Variants in ATP2B3 observed in about 807,000 individuals in gnomAD.
The protein encoded by ATP2B3 is plasma membrane calcium-transporting ATPase 3.
Under a neutral mutation model 70.8 loss-of-function variants are expected in ATP2B3, and 12 were observed. That is an observed-to-expected ratio of 0.17 (90% CI 0.11 to 0.27). The LOEUF (loss-of-function observed/expected upper bound fraction) is 0.27, where lower values mean the gene tolerates loss of function less well. Ranked by LOEUF, ATP2B3 falls within the 10% of genes least tolerant of loss-of-function variation. ATP2B3 has a pLI of 1.00. For missense variants in ATP2B3, 858 were observed against 1,118.5 expected, an observed-to-expected ratio of 0.77 and a Z score of 3.32; for synonymous variants, 460 against 497.8, an observed-to-expected ratio of 0.92 and a Z score of 1.01.
In ATP2B3 at chrX:153,555,926, G is replaced by C. The variant is rs1177926710; in HGVS notation, c.2059-123G>C. The C allele has an allele frequency of 3.9e-6, 3 of 770,943 alleles. No homozygotes were observed. The African/African-American group carries it at 6.2e-5, about 16-fold the overall frequency. The allele number at this position is 770,943 out of a possible 1,213,427, so 63.5% of individuals were successfully genotyped here. A position where few individuals can be genotyped will look rare whatever the true frequency, so the allele number is the denominator to read the frequency against. On this transcript the variant is annotated intron_variant, in intron 13 of 21. Coordinates refer to ENST00000263519, the MANE Select transcript of ATP2B3 (RefSeq NM_001001344.3). ...AGTGTTCTGAGCACGTGAATCGGAT[G>C]GCTTTACTCTCACCTCTGCTGGACC...
intron 21 of ATP2B3, among the ~76,000 whole-genome samples, chrX:153,572,228 G>T: frequency 8.9e-6 from 1 of 112,753 alleles, no homozygotes; most frequent in Non-Finnish European, 1.9e-5. Flanking sequence ...AGCTCCCCTA[G>T]ACAAGAGGGC....
chrX:153,578,827 G>T (rs782363217), intron 21 of ATP2B3, among the ~76,000 whole-genome samples: 1 of 112,640 alleles, frequency 8.9e-6, no homozygotes, highest in African/African-American at 3.2e-5. Context: ...AGGAGGAGAC[G>T]GGAGAGAGGA....
intron 7 of ATP2B3, among the ~76,000 whole-genome samples, chrX:153,544,104 G>A (rs1162797008): frequency 2.7e-5 from 3 of 112,649 alleles, no homozygotes; most frequent in Non-Finnish European, 5.6e-5. Flanking sequence ...GTGTCTCCCT[G>A]CACCGGCTCT....
chrX:153,521,151 C>G (rs985035407), intron 2 of ATP2B3, among the ~76,000 whole-genome samples: 6 of 113,143 alleles, frequency 5.3e-5, no homozygotes, highest in Non-Finnish European at 1.1e-4. Context: ...ACGCCCCGGG[C>G]TGGGTATGCC....
chrX:153,552,981 T>C, intron 12 of ATP2B3, 54 bp from the exon 13 acceptor site: 2 of 1,063,319 alleles, frequency 1.9e-6, no homozygotes, highest in Non-Finnish European at 2.6e-6. Context: ...ACCAGCGCTG[T>C]TCCTTGTTGT....
intron 2 of ATP2B3, among the ~76,000 whole-genome samples, chrX:153,527,823 T>G (rs2124332751): frequency 8.9e-6 from 1 of 112,740 alleles, no homozygotes; most frequent in Admixed American, 9.3e-5. Context: ...AGCTGAAGAC[T>G]TCAGGACAAG....
At chrX:153,557,500 C>T (rs1451617640) in intron 16 of ATP2B3, among the ~76,000 whole-genome samples, 1 of 112,283 alleles carries the variant, frequency 8.9e-6, no homozygotes, top group Non-Finnish European at 1.9e-5. Context: ...ACCTGGTGAG[C>T]CCCTCTCCCT....
At chrX:153,518,738 G>C (rs1488284652) in intron 2 of ATP2B3, among the ~76,000 whole-genome samples, 187 bp downstream of exon 2, 3 of 111,380 alleles carry the variant, frequency 2.7e-5, no homozygotes, top group African/African-American at 9.8e-5. Flanking sequence ...CGCGGTGAGG[G>C]CTCCATGAGG....
chrX:153,540,812 C>A (rs781789418), intron 3 of ATP2B3, among the ~76,000 whole-genome samples: 1 of 112,697 alleles, frequency 8.9e-6, no homozygotes, highest in African/African-American at 3.2e-5. Flanking sequence ...TCTTTGGCAT[C>A]TGGTGCCATC....
intron 3 of ATP2B3, 145 bp from the exon 4 acceptor site, chrX:153,541,214 G>A: frequency 1.5e-6 from 1 of 659,785 alleles, no homozygotes; most frequent in East Asian, 3.5e-5. Context: ...TGTCTAGAGG[G>A]AGAGCCAGGC....
rs2090910136 is a variant in ATP2B3 at position 153,580,420 on chromosome X, G to A, written c.*122G>A. On this transcript the variant is annotated 3_prime_UTR_variant, in exon 22 of 22. Coordinates refer to ENST00000263519, the MANE Select transcript of ATP2B3 (RefSeq NM_001001344.3). ...CCTGCAAAACGAGGGAACAACTAAG[G>A]TGGCTGAAGACCTTTCTGGCAGGGC... 8 of 751,348 alleles carry A rather than the reference G, an allele frequency of 1.1e-5. No individual in the cohort carries two copies. Among genetic ancestry groups the A allele is most frequent in the Non-Finnish European group, 1.5e-5 (8 of 529,983 alleles). The allele number at this position is 751,348 out of a possible 1,213,427, so 61.9% of individuals were successfully genotyped here.
intron 2 of ATP2B3, among the ~76,000 whole-genome samples, chrX:153,524,997 C>T (rs1184943392): frequency 8.9e-6 from 1 of 112,056 alleles, no homozygotes; most frequent in Non-Finnish European, 1.9e-5. Context: ...TTTGACTCTC[C>T]GCAGATGGGA....
intron 3 of ATP2B3, among the ~76,000 whole-genome samples, chrX:153,541,114 G>C (rs1603049294): frequency 1.8e-5 from 2 of 112,268 alleles, no homozygotes; most frequent in East Asian, 5.6e-4. Flanking sequence ...GTGTCAGGAG[G>C]AGGATGGCTA....
chrX:153,580,067 G>C lies in ATP2B3; in HGVS notation c.3432G>C (p.Thr1144=), dbSNP rs782570248. ...SKTSIHNFMA[T]PEFLINDYTH... is the part of the protein sequence containing the mutation. The stretch of plus-strand genomic sequence containing the variant: ...CCTCCATTCACAACTTCATGGCCAC[G>C]CCCGAGTTTCTGATCAATGACTACA... Residue 1144 remains threonine (T), a synonymous_variant, in exon 22 of 22, where the codon ACG becomes ACC. Coordinates refer to ENST00000263519, the MANE Select transcript of ATP2B3 (RefSeq NM_001001344.3). The C allele has an allele frequency of 5.8e-6, 7 of 1,211,825 alleles. No individual in the cohort carries two copies. The highest frequency in any genetic ancestry group is 6.7e-6 in the Non-Finnish European group (6 of 895,520).
intron 19 of ATP2B3, 47 bp downstream of exon 19, chrX:153,560,934 G>C: frequency 1.7e-6 from 2 of 1,193,665 alleles, no homozygotes; most frequent in Non-Finnish European, 2.3e-6. Context: ...TGCAAAAAGT[G>C]GAGGTGGTGG....
intron 18 of ATP2B3, among the ~76,000 whole-genome samples, chrX:153,560,262 G>T (rs1569535289): frequency 8.9e-6 from 1 of 111,969 alleles, no homozygotes; most frequent in East Asian, 2.8e-4. Context: ...CCCAGCCCCA[G>T]AGTGGCCACG....
intron 12 of ATP2B3, 53 bp downstream of exon 12, chrX:153,550,339 TGTC>T: frequency 1.7e-6 from 2 of 1,200,133 alleles, no homozygotes; most frequent in Middle Eastern, 2.3e-4. Flanking sequence ...CTGATTCTAT[TGTC>T]GTGGTAAAAG....
intron 2 of ATP2B3, among the ~76,000 whole-genome samples, chrX:153,523,845 G>A (rs782499069): frequency 1.8e-5 from 2 of 109,327 alleles, no homozygotes; most frequent in South Asian, 4.0e-4. Context: ...ACAGGGGCCC[G>A]CCACCACACC....
intron 2 of ATP2B3, among the ~76,000 whole-genome samples, chrX:153,528,716 T>C (rs1253722156): frequency 4.1e-4 from 46 of 112,369 alleles, no homozygotes; most frequent in Non-Finnish European, 5.8e-4. Context: ...GCTCCTTTGA[T>C]TGTGTCATAC....
Sources: allele counts gnomAD v4.1 joint callset (sites outside exome capture counted in the v4.1 genomes callset), GRCh38; gene constraint gnomAD v4.1.1; transcripts MANE v1.5; gene names NCBI Gene and HGNC (gene_info 2026-07-23, HGNC 2026-07-21).